NRG1: variants seen among roughly 807,000 people sequenced by gnomAD.
The protein encoded by NRG1 is neuregulin 1.
In NRG1, 18 loss-of-function variants were observed where a neutral mutation model predicts 63.8. The ratio of observed to expected loss-of-function variants is 0.28; its 90% confidence interval spans 0.19 to 0.42. The LOEUF (loss-of-function observed/expected upper bound fraction) is 0.42, where lower values mean the gene tolerates loss of function less well. NRG1 is among the 10% of genes least tolerant of loss of function. The pLI is 1.00. For synonymous variants in NRG1, 302 were observed against 301.3 expected, an observed-to-expected ratio of 1.00 and a Z score of -0.02; for missense variants, 762 against 814.7, an observed-to-expected ratio of 0.94 and a Z score of 0.79.
chr8:32,757,958 T>C (rs1829979084), intron 9 of NRG1, among the ~76,000 whole-genome samples: 1 of 152,180 alleles, frequency 6.6e-6, no homozygotes, highest in African/African-American at 2.4e-5. Flanking sequence ...TGGAAGTAGG[T>C]CACTGTGTAT....
Position 32,474,819 on chromosome 8 carries a change from A to G in NRG1, c.38-121009A>G, listed in dbSNP as rs376059369. ...GTGCCCGGCCGATATTCCTGTTTTT[A>G]TGGTTGCAATTGTATGCTATGGCAC... On this transcript the variant is annotated intron_variant, in intron 1 of 10. Coordinates refer to the NRG1 transcript ENST00000519301. Among the ~76,000 whole-genome samples, 525 of 152,034 alleles carry G rather than the reference A, an allele frequency of 3.5e-3. 3 individuals carry two copies. Among genetic ancestry groups the G allele is most frequent in the African/African-American group, 0.012 (515 of 41,476 alleles).
rs551866754 is a variant in NRG1 at position 31,692,004 on chromosome 8, T to C, written c.37+52573T>C. On this transcript the variant is annotated intron_variant, in intron 1 of 10. Transcript: ENST00000519301. ...CACACTACCACACTCAGCTAATTTA[T>C]TTATTTTTTGAAGAGATGAGGTCTT... Among the ~76,000 whole-genome samples, 5 of 152,234 alleles carry C rather than the reference T, an allele frequency of 3.3e-5. No homozygotes were observed. The South Asian group carries it at 1.0e-3, about 32-fold the overall frequency.
intron 1 of NRG1, among the ~76,000 whole-genome samples, chr8:31,928,925 C>A (rs545480124): frequency 6.6e-6 from 1 of 152,230 alleles, no homozygotes; most frequent in South Asian, 2.1e-4. Context: ...GTACAATGTA[C>A]ACTACTTGGG....
At chr8:32,323,026 G>A (rs982077593) in intron 1 of NRG1, among the ~76,000 whole-genome samples, 1 of 151,810 alleles carries the variant, frequency 6.6e-6, no homozygotes, top group Non-Finnish European at 1.5e-5. Flanking sequence ...TATGGCCCTC[G>A]ATACAGTCAT....
At chr8:32,284,492 T>TGCCTGCCTTCCTTCCC (rs58608796) in intron 1 of NRG1, among the ~76,000 whole-genome samples, 1 of 61,324 alleles carries the variant, frequency 1.6e-5, no homozygotes, top group African/African-American at 3.9e-5. Context: ...CCTGCCTGCC[T>TGCCTGCCTTCCTTCCC]TCCTTCCTTC....
intron 1 of NRG1, among the ~76,000 whole-genome samples, chr8:32,209,186 G>A (rs16878972): frequency 0.067 from 10,190 of 152,022 alleles, 651 homozygotes; most frequent in African/African-American, 0.17. Flanking sequence ...AATTAAATGC[G>A]TTTCTCTCCA....
At chr8:32,142,295 T>A (rs921679651) in intron 1 of NRG1, among the ~76,000 whole-genome samples, 2 of 152,214 alleles carry the variant, frequency 1.3e-5, no homozygotes, top group Non-Finnish European at 2.9e-5. Context: ...TTTTTCACTA[T>A]TTCCAGTCAC....
intron 1 of NRG1, among the ~76,000 whole-genome samples, chr8:32,309,982 G>C (rs888467164): frequency 6.6e-6 from 1 of 152,358 alleles, no homozygotes; most frequent in African/African-American, 2.4e-5. Flanking sequence ...TTTTCGCCTA[G>C]ATTTTGCTCA....
At chr8:32,396,207 G>T (rs1174853851) in intron 1 of NRG1, among the ~76,000 whole-genome samples, 2 of 152,042 alleles carry the variant, frequency 1.3e-5, no homozygotes, top group Non-Finnish European at 2.9e-5. Flanking sequence ...GCTACTGCAG[G>T]TTCTGTGTAT....
chr8:31,738,286 A>T (rs983575789), intron 1 of NRG1, among the ~76,000 whole-genome samples: 4 of 152,126 alleles, frequency 2.6e-5, no homozygotes, highest in African/African-American at 9.7e-5. Flanking sequence ...TTGGTACTGT[A>T]GTGCTTTCCC....
chr8:31,664,992 T>C (rs1341900134), intron 1 of NRG1, among the ~76,000 whole-genome samples: 1 of 152,156 alleles, frequency 6.6e-6, no homozygotes. Context: ...GATTTAAGAA[T>C]TCAGAGGAGG....
chr8:32,313,435 G>A (rs1213747567), intron 1 of NRG1, among the ~76,000 whole-genome samples: 3 of 151,984 alleles, frequency 2.0e-5, no homozygotes, highest in Admixed American at 6.6e-5. Flanking sequence ...TATAAATAAC[G>A]AGTCCTCTGA....
At chr8:32,249,443 T>C (rs1482013268) in intron 1 of NRG1, among the ~76,000 whole-genome samples, 2 of 152,176 alleles carry the variant, frequency 1.3e-5, no homozygotes, top group Non-Finnish European at 2.9e-5. Flanking sequence ...AGAGCTGTTC[T>C]GTTCTCATGA....
chr8:32,449,137 A>G (rs926741737), intron 1 of NRG1, among the ~76,000 whole-genome samples: 1 of 151,948 alleles, frequency 6.6e-6, no homozygotes, highest in Admixed American at 6.6e-5. Flanking sequence ...TCTACAAAAA[A>G]AGTACAACAA....
At chr8:31,920,867 G>C (rs1422339075) in intron 1 of NRG1, among the ~76,000 whole-genome samples, 1 of 135,906 alleles carries the variant, frequency 7.4e-6, no homozygotes, top group Non-Finnish European at 1.6e-5. Context: ...TAGATACATA[G>C]ATAGATAGAT....
intron 1 of NRG1, among the ~76,000 whole-genome samples, chr8:32,221,838 T>C (rs184390784): frequency 6.6e-6 from 1 of 152,244 alleles, no homozygotes; most frequent in East Asian, 1.9e-4. Context: ...ATTGAACATA[T>C]ATCTTTATAT....
At chr8:32,548,657 G>T in exon 1 of NRG1, 1 of 1,508,264 alleles carries the variant, frequency 6.6e-7, no homozygotes, top group Non-Finnish European at 8.9e-7. Flanking sequence ...TCCCAAACCC[G>T]ATCCGAGCCC....
intron 1 of NRG1, among the ~76,000 whole-genome samples, chr8:32,174,851 AC>A (rs1395053289): frequency 4.2e-4 from 64 of 152,248 alleles, no homozygotes; most frequent in African/African-American, 1.5e-3. Context: ...TAGCTTACCA[AC>A]CAAAAAAAGT....
intron 1 of NRG1, among the ~76,000 whole-genome samples, chr8:32,467,808 C>T (rs1286324600): frequency 1.3e-5 from 2 of 152,170 alleles, no homozygotes; most frequent in Non-Finnish European, 2.9e-5. Context: ...CAGAAACGGC[C>T]TCAGGGATTT....
Sources: gnomAD v4.1 joint callset for allele counts (sites outside exome capture counted in the v4.1 genomes callset) on GRCh38, gnomAD v4.1.1 for gene constraint, MANE v1.5 for transcripts, NCBI Gene and HGNC (gene_info 2026-07-23, HGNC 2026-07-21) for gene names.